Variants in KCNT2 observed in about 807,000 individuals in gnomAD.
KCNT2 encodes potassium channel subfamily T member 2.
A neutral mutation model predicts 153.8 loss-of-function variants in KCNT2; 67 were observed. The observed-to-expected ratio is 0.44, with a 90% confidence interval of 0.36 to 0.53. The LOEUF (loss-of-function observed/expected upper bound fraction) is 0.53. Among genes scored for constraint, KCNT2 ranks in the 20% least tolerant of loss-of-function variants. The pLI, the probability that KCNT2 is intolerant of heterozygous loss-of-function variation, is 0.00. For synonymous variants in KCNT2, 500 were observed against 458.8 expected (o/e 1.09, Z -1.15); for missense variants, 975 against 1,354.8 (o/e 0.72, Z 4.40).
At chr1:196,414,340 TG>T (rs1672579858) in intron 12 of KCNT2, among the ~76,000 whole-genome samples, 1 of 151,808 alleles carries the variant, frequency 6.6e-6, no homozygotes, top group Non-Finnish European at 1.5e-5. Context: ...TTTTTGGAAA[TG>T]CTCTATCCAG....
At chr1:196,577,982 G>T (rs1286464731) in intron 1 of KCNT2, among the ~76,000 whole-genome samples, 1 of 151,904 alleles carries the variant, frequency 6.6e-6, no homozygotes, top group Non-Finnish European at 1.5e-5. Flanking sequence ...TTTAAAACGT[G>T]TAATTTTTTT....
At chr1:196,240,810 G>T (rs1362122892) in intron 26 of KCNT2, among the ~76,000 whole-genome samples, 2 of 151,994 alleles carry the variant, frequency 1.3e-5, no homozygotes, top group African/African-American at 4.8e-5. Context: ...AAGCTTGTAA[G>T]GATCGAGGGG....
rs780602272 is a variant in KCNT2 at position 196,340,497 on chromosome 1, T to G, written c.1627A>C (p.Ile543Leu). The change falls in exon 16 of 28, where the codon ATT (isoleucine) becomes CTT (leucine). Residue 543 changes from isoleucine to leucine, a missense_variant. Ile to Leu is a conservative substitution (Grantham distance 5). This residue lies in a region of KCNT2 where 325 missense variants were observed against 388.1 expected (regional missense o/e 0.84). Transcript: ENST00000294725. ...AAGCATATGTCTGTAGAATTCATAA[T>G]GTATCGAGGACCTGGATTCAGCAAA... is the stretch of plus-strand genomic sequence containing the variant. ...NILLNPGPRY[I>L]MNSTDICFYI... 1.8e-5 allele frequency: 29 copies of G among 1,612,064 alleles called. No individual in the cohort carries two copies. Among genetic ancestry groups the G allele is most frequent in the Non-Finnish European group, 2.3e-5 (27 of 1,178,792 alleles).
chr1:196,304,500 C>A (rs796508721), intron 22 of KCNT2, among the ~76,000 whole-genome samples: 2 of 152,038 alleles, frequency 1.3e-5, no homozygotes, highest in African/African-American at 4.8e-5. Flanking sequence ...ATTATAGGCA[C>A]GAGCCGCCAC....
chr1:196,602,543 C>T (rs1664839054), intron 1 of KCNT2, among the ~76,000 whole-genome samples: 2 of 151,912 alleles, frequency 1.3e-5, no homozygotes, highest in South Asian at 4.2e-4. Context: ...CAGAAAGTGG[C>T]TATATGATAG....
At chr1:196,466,390 T>C (rs1485493779) in intron 7 of KCNT2, among the ~76,000 whole-genome samples, 6 of 152,136 alleles carry the variant, frequency 3.9e-5, no homozygotes, top group Admixed American at 6.6e-5. Context: ...TTCATAAGAC[T>C]CCAGTGGTTA....
At position 196,402,904 on chromosome 1, in the gene KCNT2, G is replaced by A. The variant is rs115420413; in HGVS notation, c.1186-4233C>T. Among the ~76,000 whole-genome samples the A allele has an allele frequency of 4.4e-3, 662 of 151,732 alleles. 4 individuals are homozygous for A. Among genetic ancestry groups the A allele is most frequent in the African/African-American group, 0.015 (606 of 41,498 alleles). ...TTTCATAATAGCTAAAATCTAAAGT[G>A]CTGAAAACACCAAATACTAGAGAGG... On this transcript the variant is annotated intron_variant, in intron 12 of 27. Transcript: ENST00000294725.
Position 196,326,358 on chromosome 1 carries a change from CA to C in KCNT2, c.2276+358del, listed in dbSNP as rs145358818. Among the ~76,000 whole-genome samples the C allele has an allele frequency of 2.2e-3, 323 of 145,752 alleles. 1 individual carries two copies. In the East Asian group the frequency reaches 0.034, roughly 15 times the overall value. The stretch of plus-strand genomic sequence containing the variant: ...GATAATTAATGGTTCTTTAGAAAGA[CA>C]AAAAAAAAATTGTCCAGTTTTGGCA... On this transcript the variant is annotated intron_variant, in intron 19 of 27. Coordinates refer to ENST00000294725, the MANE Select transcript of KCNT2 (RefSeq NM_198503.5).
chr1:196,378,057 C>T (rs1174673102), intron 13 of KCNT2, among the ~76,000 whole-genome samples: 2 of 152,034 alleles, frequency 1.3e-5, no homozygotes, highest in African/African-American at 2.4e-5. Flanking sequence ...GAAATCCACT[C>T]GAATTTCAAC....
At chr1:196,262,779 C>A (rs1318858235) in intron 25 of KCNT2, among the ~76,000 whole-genome samples, 1 of 151,892 alleles carries the variant, frequency 6.6e-6, no homozygotes, top group Non-Finnish European at 1.5e-5. Flanking sequence ...ATCAAAAAGA[C>A]AATTAGAGAA....
chr1:196,341,371 G>T lies in KCNT2; in HGVS notation c.1553+708C>A, dbSNP rs529365511. On this transcript the variant is annotated intron_variant, in intron 15 of 27. Coordinates refer to ENST00000294725, the MANE Select transcript of KCNT2 (RefSeq NM_198503.5). ...TAAAATGATTGTATGGATACTGGAA[G>T]TATGGTTTCTACTGAATGGCTATTG... Among the ~76,000 whole-genome samples the T allele has an allele frequency of 2.0e-5, 3 of 151,942 alleles. No individual in the cohort carries two copies. The South Asian group carries it at 6.2e-4, about 31-fold the overall frequency.
At chr1:196,528,477 T>C (rs1361107897) in intron 1 of KCNT2, among the ~76,000 whole-genome samples, 1 of 152,174 alleles carries the variant, frequency 6.6e-6, no homozygotes. Context: ...AGAAATGGCA[T>C]GAACTAACTT....
chr1:196,430,041 T>C (rs886205687), intron 8 of KCNT2, among the ~76,000 whole-genome samples: 4 of 152,092 alleles, frequency 2.6e-5, no homozygotes, highest in African/African-American at 9.7e-5. Context: ...GTGATACACA[T>C]AGACACTGAA....
At chr1:196,241,717 C>T (rs888984331) in intron 26 of KCNT2, among the ~76,000 whole-genome samples, 2 of 152,018 alleles carry the variant, frequency 1.3e-5, no homozygotes, top group African/African-American at 4.8e-5. Flanking sequence ...GAACAAGCTA[C>T]ATTTTAACTT....
At chr1:196,340,278 T>C in intron 16 of KCNT2, 63 bp downstream of exon 16, 2 of 982,652 alleles carry the variant, frequency 2.0e-6, no homozygotes, top group East Asian at 2.7e-5. Flanking sequence ...AATGCATTGG[T>C]ATTTATCATT....
At chr1:196,228,555 G>A (rs1653672437) in intron 27 of KCNT2, among the ~76,000 whole-genome samples, 2 of 152,182 alleles carry the variant, frequency 1.3e-5, no homozygotes, top group Admixed American at 1.3e-4. Flanking sequence ...GATGATGAAT[G>A]CTGATGAATC....
At chr1:196,523,116 C>A (rs1283712269) in intron 1 of KCNT2, among the ~76,000 whole-genome samples, 3 of 152,122 alleles carry the variant, frequency 2.0e-5, no homozygotes, top group African/African-American at 7.2e-5. Context: ...CTGAAGTCAG[C>A]AAGACCACGA....
chr1:196,275,839 A>C (rs147438492), intron 25 of KCNT2, among the ~76,000 whole-genome samples: 24 of 152,182 alleles, frequency 1.6e-4, no homozygotes, highest in African/African-American at 5.8e-4. Flanking sequence ...GTATATACTA[A>C]AGAAATAATT....
intron 1 of KCNT2, among the ~76,000 whole-genome samples, chr1:196,575,585 A>G (rs577369998): frequency 1.5e-4 from 23 of 150,688 alleles, no homozygotes; most frequent in African/African-American, 4.8e-4. Context: ...GATCTAACAT[A>G]TATTTACAAT....
Sources: gnomAD v4.1 joint callset for allele counts (sites outside exome capture counted in the v4.1 genomes callset) on GRCh38, gnomAD v4.1.1 for gene constraint, gnomAD v4.1.1 regional missense constraint, MANE v1.5 for transcripts, NCBI Gene and HGNC (gene_info 2026-07-23, HGNC 2026-07-21) for gene names.